The following SUCO variants were observed in gnomAD, a reference collection of about 807,000 sequenced individuals.
SUCO encodes SUN domain containing ossification factor.
Under a neutral mutation model 148.1 loss-of-function variants are expected in SUCO, and 57 were observed. That is an observed-to-expected ratio of 0.38 (90% CI 0.31 to 0.48). The LOEUF (loss-of-function observed/expected upper bound fraction) is 0.48, where lower values mean the gene tolerates loss of function less well. Among genes scored for constraint, SUCO ranks in the 20% least tolerant of loss-of-function variants. The pLI is 0.96. For missense variants in SUCO, 1,331 were observed against 1,468.2 expected (o/e 0.91, Z 1.53); for synonymous variants, 470 against 502.7 (o/e 0.93, Z 0.87).
At position 172,551,511 on chromosome 1, in the gene SUCO, G is replaced by T; in HGVS notation, c.63-1G>T. On this transcript the variant is annotated splice_acceptor_variant, in intron 1 of 23. Transcript: ENST00000263688. LOFTEE classifies it high-confidence loss of function. ...TGTTGGTGGTGGTGGGTGTTTTACA[G>T]GCTTCCCAGCTGGCGTGTATGTTGT... The T allele has an allele frequency of 1.9e-6, 3 of 1,584,034 alleles. No individual in the cohort carries two copies. The highest frequency in any genetic ancestry group is 1.2e-5 in the South Asian group (1 of 86,164).
chr1:172,608,933 G>T (rs924444666), intron 23 of SUCO, 131 bp downstream of exon 23: 1 of 695,030 alleles, frequency 1.4e-6, no homozygotes, highest in South Asian at 1.9e-5. Context: ...TCATGATAAT[G>T]TTGTAAATAA....
At chr1:172,546,677 G>A (rs1652885140) in intron 1 of SUCO, among the ~76,000 whole-genome samples, 1 of 152,212 alleles carries the variant, frequency 6.6e-6, no homozygotes, top group South Asian at 2.1e-4. Context: ...GGGAGGCCAA[G>A]GCGGGTGGAT....
At position 172,578,443 on chromosome 1, in the gene SUCO, A is replaced by G. The variant is rs1209486295; in HGVS notation, c.1432+54A>G. The G allele has an allele frequency of 8.4e-6, 13 of 1,544,866 alleles. 1 individual carries two copies. In the East Asian group the frequency reaches 3.0e-4, roughly 35 times the overall value. ...GGTATATTTTTTTTACTTTTTAAAA[A>G]TCGAATAGTAATGGGGGAGTATAGC... On this transcript the variant is annotated intron_variant, in intron 14 of 23. Transcript: ENST00000263688.
At chr1:172,554,248 T>C (rs1160837033) in intron 3 of SUCO, among the ~76,000 whole-genome samples, 2 of 152,250 alleles carry the variant, frequency 1.3e-5, no homozygotes, top group South Asian at 2.1e-4. Context: ...AAAATGATAC[T>C]TGTAGCCCTT....
chr1:172,532,529 G>C (rs749428686), upstream of SUCO: 4 of 1,613,720 alleles, frequency 2.5e-6, no homozygotes, highest in Non-Finnish European at 3.4e-6. Flanking sequence ...TAGCTCAATG[G>C]GGCAGTCCAT....
At chr1:172,578,502 T>A in intron 14 of SUCO, 113 bp downstream of exon 14, 1 of 1,386,164 alleles carries the variant, frequency 7.2e-7, no homozygotes, top group Non-Finnish European at 9.4e-7. Flanking sequence ...GTCTTCAGGC[T>A]TTTGTTTTGT....
chr1:172,532,423 T>A (rs1490612632), upstream of SUCO: 3 of 1,446,064 alleles, frequency 2.1e-6, no homozygotes, highest in Non-Finnish European at 2.8e-6. Context: ...GCGGCGAAAT[T>A]CTTGCTGAAG....
At chr1:172,532,881 TG>T (rs1418730835), upstream of SUCO, 2 of 1,484,484 alleles carry the variant, frequency 1.3e-6, no homozygotes, top group East Asian at 4.5e-5. Flanking sequence ...GGGCGGGACC[TG>T]GGGCGGGCGG....
At chr1:172,583,584 CTT>C (rs1171811116) in intron 15 of SUCO, among the ~76,000 whole-genome samples, 1 of 152,170 alleles carries the variant, frequency 6.6e-6, no homozygotes, top group African/African-American at 2.4e-5. Context: ...ATTTTTCTCT[CTT>C]AGATCCTTTT....
chr1:172,554,760 A>G (rs1653602600), intron 3 of SUCO, among the ~76,000 whole-genome samples: 1 of 151,796 alleles, frequency 6.6e-6, no homozygotes, highest in Admixed American at 6.6e-5. Context: ...AAAAGCATGT[A>G]AAGTATCTCA....
chr1:172,533,601 C>T, intron 1 of SUCO, 104 bp downstream of exon 1: 2 of 1,384,322 alleles, frequency 1.4e-6, no homozygotes, highest in East Asian at 5.1e-5. Context: ...GTCCGGGTTT[C>T]CAAGGCCCCC....
Position 172,578,177 on chromosome 1 carries a change from G to C in SUCO, c.1341-121G>C, listed in dbSNP as rs1655597587. On this transcript the variant is annotated intron_variant, in intron 13 of 23. Coordinates refer to ENST00000263688, the MANE Select transcript of SUCO (RefSeq NM_014283.5). The stretch of plus-strand genomic sequence containing the variant: ...AATGTAAGGAGCAGCCATTATTTTT[G>C]AGTCCAAAAGCCAGTGGCCCTCAAA... The C allele has an allele frequency of 4.2e-6, 3 of 709,632 alleles. No individual in the cohort carries two copies. In the African/African-American group the frequency reaches 5.4e-5, roughly 13 times the overall value. 44.0% of individuals were successfully genotyped at this position (709,632 alleles called of 1,614,324 possible). A position where few individuals can be genotyped will look rare whatever the true frequency, so the allele number is the denominator to read the frequency against.
Position 172,610,178 on chromosome 1 carries a change from G to A in SUCO, c.3684G>A (p.Pro1228=), listed in dbSNP as rs767035513. ...TLIQTKSGSL[P]SLHDIIKGNK... The stretch of plus-strand genomic sequence containing the variant: ...TACAGACTAAGTCGGGATCATTGCC[G>A]AGCCTGCATGACATAATCAAAGGAA... Residue 1228 remains proline, a synonymous_variant, in exon 24 of 24, where the codon CCG becomes CCA. Coordinates refer to ENST00000263688, the MANE Select transcript of SUCO (RefSeq NM_014283.5). 3.0e-5 allele frequency: 49 copies of A among 1,613,422 alleles called. No individual in the cohort carries two copies. Among genetic ancestry groups the A allele is most frequent in the Middle Eastern group, 1.7e-4 (1 of 6,060 alleles).
chr1:172,556,110 C>A, intron 4 of SUCO, 87 bp downstream of exon 4: 1 of 1,090,792 alleles, frequency 9.2e-7, no homozygotes, highest in Non-Finnish European at 1.3e-6. Flanking sequence ...CAGCTTGATA[C>A]TCAAGTTTGA....
intron 10 of SUCO, among the ~76,000 whole-genome samples, chr1:172,574,578 CTTAT>C (rs906609671): frequency 2.6e-5 from 4 of 151,962 alleles, no homozygotes; most frequent in African/African-American, 9.7e-5. Context: ...TTACTATGCA[CTTAT>C]TTATTAATTC....
chr1:172,585,182 T>TC lies in SUCO; in HGVS notation c.1567+96_1567+97insC, dbSNP rs1656151645. Reference sequence around the variant, plus strand: ...TAATGAGTTAAGAAAATTTGATTGTTTACATTTAGAAATATAGAAATAATT... The same window carrying TC: ...TAATGAGTTAAGAAAATTTGATTGTTCTACATTTAGAAATATAGAAATAATT... On this transcript the variant is annotated intron_variant, in intron 16 of 23. Transcript: ENST00000263688. 5.9e-6 allele frequency: 6 copies of TC among 1,022,222 alleles called. No individual in the cohort carries two copies. In the South Asian group the frequency reaches 1.1e-4, roughly 19 times the overall value. The allele number at this position is 1,022,222 out of a possible 1,614,324, so 63.3% of individuals were successfully genotyped here.
chr1:172,566,513 A>G (rs1001865121), intron 6 of SUCO, among the ~76,000 whole-genome samples: 1 of 152,252 alleles, frequency 6.6e-6, no homozygotes, highest in Non-Finnish European at 1.5e-5. Flanking sequence ...AAAGAATTCA[A>G]GGGCAAGCTG....
intron 15 of SUCO, among the ~76,000 whole-genome samples, chr1:172,580,880 T>TGACCTGAGG (rs1174463008): frequency 3.3e-5 from 5 of 152,186 alleles, no homozygotes; most frequent in Non-Finnish European, 5.9e-5. Flanking sequence ...GATAGGCGGA[T>TGACCTGAGG]GACCTGAGGT....
In SUCO at chr1:172,569,159, GTTCT is replaced by G. The variant is rs758667578; in HGVS notation, c.856+20_856+23del. ...AAGAAAAAAGTAAGGAAGTATTTGA[GTTCT>G]TTAAATTTTTTTTTTAAGTATATGG... On this transcript the variant is annotated intron_variant, in intron 7 of 23. Transcript: ENST00000263688. 9 of 1,513,702 alleles carry G rather than the reference GTTCT, an allele frequency of 5.9e-6. No homozygotes were observed. In the South Asian group the frequency reaches 1.1e-4, roughly 19 times the overall value. The allele number at this position is 1,513,702 out of a possible 1,614,324, so 93.8% of individuals were successfully genotyped here. A position where few individuals can be genotyped will look rare whatever the true frequency, so the allele number is the denominator to read the frequency against.
Sources: allele counts gnomAD v4.1 joint callset (sites outside exome capture counted in the v4.1 genomes callset), GRCh38; gene constraint gnomAD v4.1.1; transcripts MANE v1.5; gene names NCBI Gene and HGNC (gene_info 2026-07-23, HGNC 2026-07-21).